Variants in ADSS2 observed in about 807,000 individuals in gnomAD.
ADSS2 encodes the protein adenylosuccinate synthetase isozyme 2.
ADSS2 carries 30 observed loss-of-function variants against 60.0 expected under a neutral mutation model. The observed-to-expected ratio is 0.50, with a 90% CI of 0.37 to 0.68. ADSS2 has a LOEUF of 0.68. Among genes scored for constraint, ADSS2 ranks in the 30% least tolerant of loss-of-function variants. The pLI is 0.00. For synonymous variants in ADSS2, 187 were observed against 193.1 expected (o/e 0.97, Z 0.26); for missense variants, 373 against 554.8 (o/e 0.67, Z 3.29).
intron 1 of ADSS2, among the ~76,000 whole-genome samples, chr1:244,443,829 T>TGGCAGAGTGGCGGAGC (rs1345616221): frequency 1.3e-5 from 2 of 151,642 alleles, no homozygotes; most frequent in Admixed American, 1.3e-4. Flanking sequence ...GGAGGCGGAG[T>TGGCAGAGTGGCGGAGC]GGCAGAGTGG....
intron 4 of ADSS2, among the ~76,000 whole-genome samples, chr1:244,430,224 T>C (rs78244624): frequency 0.035 from 5,298 of 152,330 alleles, 117 homozygotes; most frequent in Middle Eastern, 0.082. Context: ...TTCCCATTAC[T>C]ACTTTGTTGT....
In ADSS2 at chr1:244,444,510, A is replaced by G. The variant is rs1160646805; in HGVS notation, c.184-6742T>C. 2.8e-4 allele frequency among the ~76,000 whole-genome samples: 27 copies of G among 95,382 alleles called. No homozygotes were observed. The South Asian group carries it at 6.5e-3, about 23-fold the overall frequency. 62.6% of individuals were successfully genotyped at this position (95,382 alleles called of 152,430 possible). A position where few individuals can be genotyped will look rare whatever the true frequency, so the allele number is the denominator to read the frequency against. On this transcript the variant is annotated intron_variant, in intron 1 of 12. Coordinates refer to ENST00000366535, the MANE Select transcript of ADSS2 (RefSeq NM_001126.5). Reference sequence around the variant, plus strand: ...AGCCTGGGCGACAGAGCGAGACTCCATCTCAAAAAAAAAAAAAAAAAAAAA... The same window carrying G: ...AGCCTGGGCGACAGAGCGAGACTCCGTCTCAAAAAAAAAAAAAAAAAAAAA...
At chr1:244,433,445 G>A (rs1665000466) in intron 3 of ADSS2, among the ~76,000 whole-genome samples, 1 of 152,156 alleles carries the variant, frequency 6.6e-6, no homozygotes, top group Admixed American at 6.5e-5. Context: ...AATACTTCTA[G>A]GAATCCAAAA....
chr1:244,412,151 A>T lies in ADSS2; in HGVS notation c.1169-715T>A, dbSNP rs367850752. ...GGAATAGAAACAACCTGGGCACTTAACCTTAATTTGGGACAACTTTCAAGG... is the reference window on the plus strand; with the variant it reads ...GGAATAGAAACAACCTGGGCACTTATCCTTAATTTGGGACAACTTTCAAGG... On this transcript the variant is annotated intron_variant, in intron 11 of 12. Coordinates refer to ENST00000366535, the MANE Select transcript of ADSS2 (RefSeq NM_001126.5). 3.5e-4 allele frequency among the ~76,000 whole-genome samples: 54 copies of T among 152,244 alleles called. 3 individuals carry two copies. The South Asian group carries it at 0.011, about 32-fold the overall frequency.
intron 4 of ADSS2, among the ~76,000 whole-genome samples, 150 bp downstream of exon 4, chr1:244,432,391 TAGTA>T (rs1458706612): frequency 6.6e-6 from 1 of 152,170 alleles, no homozygotes; most frequent in African/African-American, 2.4e-5. Flanking sequence ...AGAAAAAAAT[TAGTA>T]AGTATTTTTT....
rs982238326 is a variant in ADSS2, at chr1:244,415,833, CTAATAA to C, written c.1168+142_1168+147del. ...TAAGTATTAGCTATGAACCAAATAA[CTAATAA>C]TAAGTGAGCAAATTTGCACTAATCA... On this transcript the variant is annotated intron_variant, in intron 11 of 12. Coordinates refer to ENST00000366535, the MANE Select transcript of ADSS2 (RefSeq NM_001126.5). The C allele has an allele frequency of 1.5e-5, 9 of 599,138 alleles. No homozygotes were observed. In the East Asian group the frequency reaches 2.6e-4, roughly 17 times the overall value. 37.1% of individuals were successfully genotyped at this position (599,138 alleles called of 1,614,324 possible).
intron 1 of ADSS2, among the ~76,000 whole-genome samples, chr1:244,444,260 A>C (rs539953243): frequency 6.6e-6 from 1 of 152,070 alleles, no homozygotes; most frequent in Non-Finnish European, 1.5e-5. Context: ...TCACGCCTGT[A>C]ATCCCAGCAC....
chr1:244,431,538 A>T (rs1284388445), intron 4 of ADSS2, among the ~76,000 whole-genome samples: 2 of 152,226 alleles, frequency 1.3e-5, no homozygotes, highest in African/African-American at 4.8e-5. Context: ...TTATCCACTT[A>T]CACTAACAAA....
At chr1:244,411,719 A>G (rs1476842190) in intron 11 of ADSS2, among the ~76,000 whole-genome samples, 1 of 152,238 alleles carries the variant, frequency 6.6e-6, no homozygotes, top group African/African-American at 2.4e-5. Flanking sequence ...TTGCTGCCAA[A>G]TGAATCTGGG....
chr1:244,414,665 G>A (rs562615939), intron 11 of ADSS2, among the ~76,000 whole-genome samples: 1 of 152,158 alleles, frequency 6.6e-6, no homozygotes, highest in South Asian at 2.1e-4. Flanking sequence ...AATCCTACAG[G>A]AGCTATTCCC....
intron 7 of ADSS2, among the ~76,000 whole-genome samples, chr1:244,422,357 A>T (rs3127457): frequency 0.22 from 34,114 of 152,184 alleles, 4,191 homozygotes; most frequent in Middle Eastern, 0.31. Flanking sequence ...TGCCAAGAAA[A>T]GACTAATCTT....
At chr1:244,412,431 G>C (rs3123695) in intron 11 of ADSS2, among the ~76,000 whole-genome samples, 1 of 152,110 alleles carries the variant, frequency 6.6e-6, no homozygotes, top group Non-Finnish European at 1.5e-5. Flanking sequence ...CTAAGAGGCA[G>C]AATCACTGGC....
intron 5 of ADSS2, 31 bp downstream of exon 5, chr1:244,424,290 C>A: frequency 6.2e-7 from 1 of 1,601,178 alleles, no homozygotes; most frequent in Non-Finnish European, 8.6e-7. Flanking sequence ...TATGCTTAAA[C>A]TGTACCAAAA....
At chr1:244,419,762 G>A (rs1664634373) in intron 8 of ADSS2, among the ~76,000 whole-genome samples, 1 of 152,262 alleles carries the variant, frequency 6.6e-6, no homozygotes, top group African/African-American at 2.4e-5. Flanking sequence ...CTCATGCCCA[G>A]GGAGTTAATT....
In ADSS2 at chr1:244,409,379, G is replaced by C. The variant is rs1664360541; in HGVS notation, c.*207C>G. 2 of 421,362 alleles carry C rather than the reference G, an allele frequency of 4.7e-6. No individual in the cohort carries two copies. Among genetic ancestry groups the C allele is most frequent in the South Asian group, 9.7e-5 (2 of 20,700 alleles). The allele number at this position is 421,362 out of a possible 1,614,324, so 26.1% of individuals were successfully genotyped here. On this transcript the variant is annotated 3_prime_UTR_variant, in exon 13 of 13. Transcript: ENST00000366535. ...GAGCAGCAGGAGCAACAAATGATTTGGCAATTCCAGCTAAAGAAAGCTGAC... is the reference window on the plus strand; with the variant it reads ...GAGCAGCAGGAGCAACAAATGATTTCGCAATTCCAGCTAAAGAAAGCTGAC...
chr1:244,411,129 G>A (rs573586964), intron 12 of ADSS2, among the ~76,000 whole-genome samples, 158 bp downstream of exon 12: 1 of 151,916 alleles, frequency 6.6e-6, no homozygotes, highest in South Asian at 2.1e-4. Context: ...GCTGAGGTAG[G>A]AGAATAGCTT....
intron 11 of ADSS2, among the ~76,000 whole-genome samples, chr1:244,415,055 A>C (rs1664496906): frequency 6.6e-6 from 1 of 152,220 alleles, no homozygotes; most frequent in African/African-American, 2.4e-5. Context: ...AAACAGCTTT[A>C]AAATTAAACA....
intron 6 of ADSS2, among the ~76,000 whole-genome samples, chr1:244,423,356 T>C (rs1004078284): frequency 2.0e-5 from 3 of 152,184 alleles, no homozygotes; most frequent in African/African-American, 7.2e-5. Flanking sequence ...TGTTGAGTGG[T>C]TGATCGAAAG....
At chr1:244,433,373 T>G (rs1169810124) in intron 3 of ADSS2, among the ~76,000 whole-genome samples, 1 of 152,214 alleles carries the variant, frequency 6.6e-6, no homozygotes, top group Non-Finnish European at 1.5e-5. Flanking sequence ...TTCACTCACA[T>G]GCTATCTTTC....
Sources: allele counts gnomAD v4.1 joint callset (sites outside exome capture counted in the v4.1 genomes callset), GRCh38; gene constraint gnomAD v4.1.1; transcripts MANE v1.5; gene names NCBI Gene and HGNC (gene_info 2026-07-23, HGNC 2026-07-21).